Variants in NRG3 observed in about 807,000 individuals in gnomAD.
NRG3 encodes the protein neuregulin 3.
Under a neutral mutation model 66.9 loss-of-function variants are expected in NRG3, and 31 were observed. That is an observed-to-expected ratio of 0.46 (90% CI 0.35 to 0.63). The LOEUF (loss-of-function observed/expected upper bound fraction) is 0.63, where lower values mean the gene tolerates loss of function less well. Among genes scored for constraint, NRG3 ranks in the 20% least tolerant of loss-of-function variants. The pLI is 0.00. For synonymous variants in NRG3, 393 were observed against 359.4 expected (o/e 1.09, Z -1.06); for missense variants, 910 against 878.9 (o/e 1.04, Z -0.45).
In NRG3 at chr10:82,426,377, G is replaced by A. The variant is rs1239111213; in HGVS notation, c.953+67509G>A. Among the ~76,000 whole-genome samples the A allele has an allele frequency of 2.6e-5, 4 of 151,942 alleles. No individual in the cohort carries two copies. In the East Asian group the frequency reaches 7.7e-4, roughly 29 times the overall value. On this transcript the variant is annotated intron_variant, in intron 2 of 8. Coordinates refer to ENST00000372141, the MANE Select transcript of NRG3 (RefSeq NM_001010848.4). The stretch of plus-strand genomic sequence containing the variant: ...TATGACTGTTGTTGTCTCCAATAGT[G>A]GCTTCCGTTGTTCCTTGTAAGCTCT...
At chr10:82,592,739 T>C (rs1304198806) in intron 2 of NRG3, among the ~76,000 whole-genome samples, 1 of 152,140 alleles carries the variant, frequency 6.6e-6, no homozygotes, top group Non-Finnish European at 1.5e-5. Context: ...TTGTGGAGAT[T>C]GGAGGAAATA....
At position 82,136,380 on chromosome 10, in the gene NRG3, G is replaced by T. The variant is rs2069345002; in HGVS notation, c.824-222359G>T. 2.0e-5 allele frequency among the ~76,000 whole-genome samples: 3 copies of T among 151,402 alleles called. No homozygotes were observed. The South Asian group carries it at 6.3e-4, about 32-fold the overall frequency. ...GGCCCAAGGGCTCTTCATTCAGCAT[G>T]TGGAAATCCAGCCAGGCGTGTGTCC... is the stretch of plus-strand genomic sequence containing the variant. On this transcript the variant is annotated intron_variant, in intron 1 of 8. Transcript: ENST00000372141.
In NRG3 at chr10:82,944,791, T is replaced by A. The variant is rs186472112; in HGVS notation, c.1055-6678T>A. Reference sequence around the variant, plus strand: ...GAAGAGAGAAAATGTTCGAAAACATTTGTTCCCAACATAATTCCACAGGAA... The same window carrying A: ...GAAGAGAGAAAATGTTCGAAAACATATGTTCCCAACATAATTCCACAGGAA... On this transcript the variant is annotated intron_variant, in intron 4 of 8. Transcript: ENST00000372141. 2.4e-3 allele frequency among the ~76,000 whole-genome samples: 370 copies of A among 152,288 alleles called. 3 individuals carry two copies. The highest frequency in any genetic ancestry group is 8.4e-3 in the African/African-American group (348 of 41,552).
At chr10:82,980,549 A>C (rs1331327910) in intron 8 of NRG3, among the ~76,000 whole-genome samples, 2 of 152,224 alleles carry the variant, frequency 1.3e-5, no homozygotes, top group African/African-American at 2.4e-5. Flanking sequence ...GCTAAAGATC[A>C]AAACGGGTTA....
intron 1 of NRG3, among the ~76,000 whole-genome samples, chr10:81,967,049 A>G (rs1246163550): frequency 1.3e-5 from 2 of 151,868 alleles, no homozygotes; most frequent in Non-Finnish European, 2.9e-5. Context: ...TTTCTATTTT[A>G]TACACTTAAG....
chr10:82,837,248 G>A (rs1164188429), intron 3 of NRG3, among the ~76,000 whole-genome samples: 1 of 152,022 alleles, frequency 6.6e-6, no homozygotes, highest in Non-Finnish European at 1.5e-5. Context: ...AATCCTTTGG[G>A]TTTATACCCA....
chr10:82,398,526 T>TGTGTGA (rs373924370), intron 2 of NRG3, among the ~76,000 whole-genome samples: 31 of 136,512 alleles, frequency 2.3e-4, no homozygotes, highest in African/African-American at 9.1e-4. Context: ...TGTGTGTGTG[T>TGTGTGA]GAGAGAGAGA....
chr10:82,745,008 C>A (rs897738293), intron 3 of NRG3, among the ~76,000 whole-genome samples: 1 of 152,048 alleles, frequency 6.6e-6, no homozygotes, highest in Non-Finnish European at 1.5e-5. Context: ...TATTACCTGG[C>A]CTCGAATATC....
chr10:82,011,629 A>G (rs1564735717), intron 1 of NRG3, among the ~76,000 whole-genome samples: 1 of 152,218 alleles, frequency 6.6e-6, no homozygotes. Flanking sequence ...TCCTAGAAAC[A>G]ATGGTGGTGC....
chr10:81,890,976 C>G (rs903349622), intron 1 of NRG3, among the ~76,000 whole-genome samples: 2 of 152,188 alleles, frequency 1.3e-5, no homozygotes, highest in African/African-American at 4.8e-5. Flanking sequence ...TGCCTCCTTT[C>G]CTCCAGATAT....
intron 3 of NRG3, among the ~76,000 whole-genome samples, chr10:82,765,712 G>A (rs1018465018): frequency 6.6e-6 from 1 of 152,140 alleles, no homozygotes. Flanking sequence ...TTGGAGGAAT[G>A]TGGTATCCTG....
chr10:82,843,868 A>G (rs775386862), intron 3 of NRG3, among the ~76,000 whole-genome samples: 1 of 152,242 alleles, frequency 6.6e-6, no homozygotes, highest in Non-Finnish European at 1.5e-5. Context: ...TAAAAGCACA[A>G]TTTATCAAGA....
At chr10:81,892,313 A>G (rs1192414889) in intron 1 of NRG3, among the ~76,000 whole-genome samples, 2 of 151,988 alleles carry the variant, frequency 1.3e-5, no homozygotes, top group Non-Finnish European at 2.9e-5. Flanking sequence ...AAAAATATAT[A>G]TATACATATT....
chr10:82,281,986 T>C (rs2079145911), intron 1 of NRG3, among the ~76,000 whole-genome samples: 1 of 152,160 alleles, frequency 6.6e-6, no homozygotes, highest in Non-Finnish European at 1.5e-5. Context: ...CATCCTTTGT[T>C]TTATTTCACC....
chr10:82,790,756 C>T (rs1362858003), intron 3 of NRG3, among the ~76,000 whole-genome samples: 1 of 151,672 alleles, frequency 6.6e-6, no homozygotes, highest in Admixed American at 6.6e-5. Flanking sequence ...GGCTTTGTTC[C>T]CTTTTATTTA....
intron 2 of NRG3, among the ~76,000 whole-genome samples, chr10:82,515,491 G>A (rs1845570509): frequency 6.6e-6 from 1 of 152,100 alleles, no homozygotes. Context: ...TGACTCTATT[G>A]TTTCACCAGT....
chr10:81,914,612 TG>T (rs1845486933), intron 1 of NRG3, among the ~76,000 whole-genome samples: 1 of 151,816 alleles, frequency 6.6e-6, no homozygotes, highest in Non-Finnish European at 1.5e-5. Flanking sequence ...AAAAATCAGC[TG>T]GGCATGGGGG....
At chr10:82,474,982 G>GA (rs776771714) in intron 2 of NRG3, among the ~76,000 whole-genome samples, 35 of 134,090 alleles carry the variant, frequency 2.6e-4, no homozygotes, top group Non-Finnish European at 3.6e-4. Flanking sequence ...TGTGCCGAAA[G>GA]AAAAAAAAAA....
At chr10:81,952,713 T>C (rs1849487925) in intron 1 of NRG3, among the ~76,000 whole-genome samples, 1 of 152,084 alleles carries the variant, frequency 6.6e-6, no homozygotes, top group Non-Finnish European at 1.5e-5. Context: ...AAGCGATCCT[T>C]CCACCTCAGC....
Sources: allele counts gnomAD v4.1 joint callset (sites outside exome capture counted in the v4.1 genomes callset), GRCh38; gene constraint gnomAD v4.1.1; transcripts MANE v1.5; gene names NCBI Gene and HGNC (gene_info 2026-07-23, HGNC 2026-07-21).